ZFAND3: variants seen among roughly 807,000 people sequenced by gnomAD.
ZFAND3 encodes zinc finger AN1-type containing 3.
A neutral mutation model predicts 29.6 loss-of-function variants in ZFAND3; 10 were observed. The observed-to-expected ratio is 0.34, with a 90% confidence interval of 0.21 to 0.57. The LOEUF (loss-of-function observed/expected upper bound fraction) is 0.57. Among genes scored for constraint, ZFAND3 ranks in the 20% least tolerant of loss-of-function variants. ZFAND3 has a pLI of 0.86. For missense variants in ZFAND3, 230 were observed against 304.5 expected (o/e 0.76, Z 1.82); for synonymous variants, 128 against 112.6 (o/e 1.14, Z -0.87).
At chr6:38,124,062 T>C (rs944080569) in intron 5 of ZFAND3, among the ~76,000 whole-genome samples, 2 of 152,188 alleles carry the variant, frequency 1.3e-5, no homozygotes, top group Non-Finnish European at 2.9e-5. Context: ...TTTGACAGGC[T>C]GCTGATTGGT....
chr6:37,964,496 T>C (rs1762256633), intron 2 of ZFAND3, among the ~76,000 whole-genome samples: 1 of 152,202 alleles, frequency 6.6e-6, no homozygotes, highest in Non-Finnish European at 1.5e-5. Context: ...GAACCACTCA[T>C]AGTGTCAGTG....
chr6:38,144,176 A>ATG, intron 5 of ZFAND3, among the ~76,000 whole-genome samples: 1 of 16,036 alleles, frequency 6.2e-5, no homozygotes, highest in Non-Finnish European at 1.2e-4. Context: ...AATGTGATAT[A>ATG]TATATATAAT....
At chr6:38,045,101 T>TATTTATTG (rs1554169434) in intron 2 of ZFAND3, among the ~76,000 whole-genome samples, 27 of 146,072 alleles carry the variant, frequency 1.8e-4, no homozygotes, top group African/African-American at 6.3e-4. Context: ...TTTATTTATT[T>TATTTATTG]ATTGAGATGG....
chr6:37,853,584 A>G (rs1231023378), intron 1 of ZFAND3, among the ~76,000 whole-genome samples: 1 of 152,188 alleles, frequency 6.6e-6, no homozygotes, highest in Non-Finnish European at 1.5e-5. Flanking sequence ...ATTGTTTTTA[A>G]GGGAAAATGA....
intron 1 of ZFAND3, among the ~76,000 whole-genome samples, chr6:37,835,741 G>A (rs1233794426): frequency 6.6e-6 from 1 of 150,740 alleles, no homozygotes; most frequent in Non-Finnish European, 1.5e-5. Flanking sequence ...TACTGCATTT[G>A]TTCTTTTTTT....
At chr6:37,863,891 TTAAA>T (rs1764538939) in intron 1 of ZFAND3, among the ~76,000 whole-genome samples, 2 of 152,288 alleles carry the variant, frequency 1.3e-5, no homozygotes, top group South Asian at 4.1e-4. Flanking sequence ...CTAGTGGCAA[TTAAA>T]TAGAGCTCAA....
chr6:38,011,129 ATTCATGTTGTT>A (rs1231248039), intron 2 of ZFAND3, among the ~76,000 whole-genome samples: 1 of 152,058 alleles, frequency 6.6e-6, no homozygotes, highest in Non-Finnish European at 1.5e-5. Context: ...TTTGGGACTC[ATTCATGTTGTT>A]TTCATGTAGT....
intron 1 of ZFAND3, among the ~76,000 whole-genome samples, chr6:37,849,842 G>A (rs1331169537): frequency 1.3e-5 from 2 of 152,312 alleles, no homozygotes; most frequent in African/African-American, 2.4e-5. Context: ...GGAATGTTAC[G>A]GTCCTGAGTA....
intron 5 of ZFAND3, among the ~76,000 whole-genome samples, chr6:38,144,184 A>AT (rs66561715): frequency 0.081 from 3,424 of 42,114 alleles, 113 homozygotes; most frequent in African/African-American, 0.12. Context: ...ATATATATAT[A>AT]ATATATATAT....
At chr6:37,943,692 G>T (rs1215533133) in intron 2 of ZFAND3, among the ~76,000 whole-genome samples, 1 of 152,144 alleles carries the variant, frequency 6.6e-6, no homozygotes, top group Admixed American at 6.5e-5. Flanking sequence ...AACTCTAGAA[G>T]TGCGAATCCC....
chr6:38,042,274 A>G (rs542265208), intron 2 of ZFAND3, among the ~76,000 whole-genome samples: 1 of 151,902 alleles, frequency 6.6e-6, no homozygotes, highest in East Asian at 1.9e-4. Flanking sequence ...GGAGGAAAAT[A>G]AAAGTATGCA....
At chr6:37,983,343 CTTTTTTTTTTT>C (rs70981516) in intron 2 of ZFAND3, among the ~76,000 whole-genome samples, 24 of 50,046 alleles carry the variant, frequency 4.8e-4, no homozygotes, top group South Asian at 2.5e-3. Flanking sequence ...CAGTTTTTAT[CTTTTTTTTTTT>C]TTTTTTTTTT....
rs545578434 is a variant in ZFAND3 at position 37,957,955 on chromosome 6, G to A, written c.112+27956G>A. Among the ~76,000 whole-genome samples, 142 of 152,146 alleles carry A rather than the reference G, an allele frequency of 9.3e-4. 1 individual carries two copies. The highest frequency in any genetic ancestry group is 3.0e-3 in the African/African-American group (125 of 41,514). ...TTTGACTATATTTAATCCAAAAATC[G>A]TGTACACAAATCAAATAGAGGGACT... On this transcript the variant is annotated intron_variant, in intron 2 of 5. Transcript: ENST00000287218.
At chr6:38,116,439 A>T in intron 4 of ZFAND3, 133 bp from the exon 5 acceptor site, 1 of 1,038,260 alleles carries the variant, frequency 9.6e-7, no homozygotes, top group Non-Finnish European at 1.4e-6. Context: ...AGCAAGTCAG[A>T]ACTGGCTCTC....
intron 2 of ZFAND3, among the ~76,000 whole-genome samples, chr6:37,955,149 TTGTGTG>T (rs3047089): frequency 1.3e-5 from 2 of 148,846 alleles, no homozygotes; most frequent in African/African-American, 2.5e-5. Flanking sequence ...CAACCAATTT[TTGTGTG>T]TGTGTGTGTG....
chr6:38,144,202 TATATATATAATATATAATATATATATA>T lies in ZFAND3; in HGVS notation c.530-8032_530-8006del, dbSNP rs1562015952. Among the ~76,000 whole-genome samples the T allele has an allele frequency of 1.5e-3, 61 of 41,186 alleles. 1 individual carries two copies. The highest frequency in any genetic ancestry group is 7.9e-3 in the African/African-American group (54 of 6,830). The allele number at this position is 41,186 out of a possible 152,430, so 27.0% of individuals were successfully genotyped here. A position where few individuals can be genotyped will look rare whatever the true frequency, so the allele number is the denominator to read the frequency against. On this transcript the variant is annotated intron_variant, in intron 5 of 5. Coordinates refer to ENST00000287218, the MANE Select transcript of ZFAND3 (RefSeq NM_021943.3). Reference sequence around the variant, plus strand: ...TATATATAATATATATATATATATATATATATATAATATATAATATATATATATATTTTTTTTTTAATAAGGTTGCTT... The same window carrying T: ...TATATATAATATATATATATATATATTATTTTTTTTTTAATAAGGTTGCTT...
At chr6:37,879,339 GT>G (rs375096327) in intron 1 of ZFAND3, among the ~76,000 whole-genome samples, 5 of 147,800 alleles carry the variant, frequency 3.4e-5, no homozygotes, top group Non-Finnish European at 3.0e-5. Context: ...TTTTTGTTTT[GT>G]TTTTTTTTTG....
In ZFAND3 at chr6:38,041,826, C is replaced by CT. The variant is rs1458250020; in HGVS notation, c.113-19751dup. The stretch of plus-strand genomic sequence containing the variant: ...CCTCTTCTTTCTTCTTCTTCTCCTC[C>CT]TTTTTTTTTTTTTTTTATATGAGAC... On this transcript the variant is annotated intron_variant, in intron 2 of 5. Coordinates refer to ENST00000287218, the MANE Select transcript of ZFAND3 (RefSeq NM_021943.3). 1.9e-4 allele frequency among the ~76,000 whole-genome samples: 3 copies of CT among 15,506 alleles called. 1 individual carries two copies. Among genetic ancestry groups the CT allele is most frequent in the African/African-American group, 6.1e-4 (3 of 4,950 alleles). The allele number at this position is 15,506 out of a possible 152,430, so 10.2% of individuals were successfully genotyped here.
At chr6:37,957,976 G>A (rs1273593467) in intron 2 of ZFAND3, among the ~76,000 whole-genome samples, 2 of 151,926 alleles carry the variant, frequency 1.3e-5, no homozygotes, top group Non-Finnish European at 2.9e-5. Context: ...TCAAATAGAG[G>A]GACTGGACCA....
Sources: gnomAD v4.1 joint callset for allele counts (sites outside exome capture counted in the v4.1 genomes callset) on GRCh38, gnomAD v4.1.1 for gene constraint, MANE v1.5 for transcripts, NCBI Gene and HGNC (gene_info 2026-07-23, HGNC 2026-07-21) for gene names.